The following ADGRF1 variants were observed in gnomAD, a reference collection of about 807,000 sequenced individuals.
ADGRF1 encodes G protein-coupled receptor 110.
A neutral mutation model predicts 87.2 loss-of-function variants in ADGRF1; 85 were observed. That is an observed-to-expected ratio of 0.97 (90% confidence interval 0.82 to 1.17). The LOEUF (loss-of-function observed/expected upper bound fraction) is 1.17, where lower values mean the gene tolerates loss of function less well. ADGRF1 is among the 50% of genes most tolerant of loss of function. The pLI is 0.00. For synonymous variants in ADGRF1, 430 were observed against 408.8 expected (o/e 1.05, Z -0.63); for missense variants, 1,169 against 1,077.2 (o/e 1.09, Z -1.19).
At chr6:47,004,633 G>A (rs1361918728) in intron 13 of ADGRF1, among the ~76,000 whole-genome samples, 1 of 152,160 alleles carries the variant, frequency 6.6e-6, no homozygotes, top group Non-Finnish European at 1.5e-5. Context: ...TATCTTTTAT[G>A]TAGTCACATG....
At chr6:47,025,717 GA>G in intron 4 of ADGRF1, 136 bp downstream of exon 4, 1 of 814,152 alleles carries the variant, frequency 1.2e-6, no homozygotes, top group South Asian at 2.3e-5. Flanking sequence ...CATGTAGCAT[GA>G]AGAAGATATA....
Position 47,040,389 on chromosome 6 carries a change from G to A in ADGRF1, c.-44+1802C>T, listed in dbSNP as rs1310041074. Among the ~76,000 whole-genome samples the A allele has an allele frequency of 5.9e-5, 9 of 152,082 alleles. No individual in the cohort carries two copies. In the South Asian group the frequency reaches 6.2e-4, roughly 11 times the overall value. ...CGGGAGGCTGAGGCAGGAGAATGGC[G>A]TGAACCCGGGAGGTGGAGCTTGCAG... On this transcript the variant is annotated intron_variant, in intron 1 of 14. Coordinates refer to ENST00000371253, the MANE Select transcript of ADGRF1 (RefSeq NM_153840.4).
chr6:47,020,101 T>G (rs771189487), intron 7 of ADGRF1: 1 of 1,022,438 alleles, frequency 9.8e-7, no homozygotes, highest in Non-Finnish European at 1.2e-6. Flanking sequence ...TCCCATCCAC[T>G]GTCACCATGA....
intron 7 of ADGRF1, 68 bp from the exon 8 acceptor site, chr6:47,016,836 C>A: frequency 6.7e-7 from 1 of 1,486,842 alleles, no homozygotes; most frequent in Non-Finnish European, 9.0e-7. Flanking sequence ...CCGGCCTATG[C>A]TGTGTGTACA....
chr6:47,031,443 G>A (rs528164189), intron 1 of ADGRF1, among the ~76,000 whole-genome samples: 5 of 151,516 alleles, frequency 3.3e-5, no homozygotes, highest in Non-Finnish European at 5.9e-5. Context: ...AAGGCAGCTT[G>A]AGAAAGCCTG....
intron 10 of ADGRF1, 118 bp from the exon 11 acceptor site, chr6:47,010,436 G>A (rs968254720): frequency 2.2e-5 from 19 of 848,484 alleles, no homozygotes; most frequent in African/African-American, 1.5e-4. Flanking sequence ...GCTCAGTCAC[G>A]AACCACATTA....
intron 1 of ADGRF1, among the ~76,000 whole-genome samples, chr6:47,032,607 T>A (rs775421184): frequency 1.8e-4 from 27 of 152,228 alleles, no homozygotes; most frequent in Non-Finnish European, 3.5e-4. Context: ...ATCAACTGGA[T>A]GCCCTTTGGA....
chr6:46,998,657 T>C lies in ADGRF1; in HGVS notation c.*1565A>G, dbSNP rs1001030411. 1 of 152,256 alleles carries C rather than the reference T, an allele frequency of 6.6e-6. No homozygotes were observed. Among genetic ancestry groups the C allele is most frequent in the Admixed American group, 6.5e-5 (1 of 15,278 alleles). 9.4% of individuals were successfully genotyped at this position (152,256 alleles called of 1,614,324 possible). A position where few individuals can be genotyped will look rare whatever the true frequency, so the allele number is the denominator to read the frequency against. ...AGAAATCTGAGCTATCTGAGCTATC[T>C]GAGAAATCTTCTCTCACTAAATTTG... On this transcript the variant is annotated 3_prime_UTR_variant, in exon 15 of 15. Transcript: ENST00000371253.
In ADGRF1 at chr6:47,027,747, G is replaced by C; in HGVS notation, c.84C>G (p.Ile28Met). Residue 28 changes from isoleucine (I) to methionine (M), a missense_variant, in exon 3 of 15, where the codon ATC (isoleucine) becomes ATG (methionine). Physicochemically the swap from Ile to Met is conservative, Grantham distance 10. Coordinates refer to ENST00000371253, the MANE Select transcript of ADGRF1 (RefSeq NM_153840.4). Reference protein sequence around the residue: ...HGGFLGKNDGIKTKKELIVNK... With the variant: ...HGGFLGKNDGMKTKKELIVNK... ...TCACAATGAGTTCTTTTTTTGTTTT[G>C]ATGCCATCATTTTTCTGTTAAAAAG... The C allele has an allele frequency of 1.3e-6, 2 of 1,585,448 alleles. No individual in the cohort carries two copies. The highest frequency in any genetic ancestry group is 1.7e-6 in the Non-Finnish European group (2 of 1,155,992).
In ADGRF1 at chr6:47,001,358, G is replaced by C. The variant is rs946458715; in HGVS notation, c.2659+143C>G. 8 of 649,810 alleles carry C rather than the reference G, an allele frequency of 1.2e-5. No homozygotes were observed. In the African/African-American group the frequency reaches 1.5e-4, roughly 12 times the overall value. The allele number at this position is 649,810 out of a possible 1,614,324, so 40.3% of individuals were successfully genotyped here. On this transcript the variant is annotated intron_variant, in intron 14 of 14. Transcript: ENST00000371253. The stretch of plus-strand genomic sequence containing the variant: ...TTCTGTCAGCCCTGAGCACGGTCTG[G>C]ATGAACTCTGAAAACATGGCTGGCT...
intron 9 of ADGRF1, 98 bp from the exon 10 acceptor site, chr6:47,012,293 T>C: frequency 6.5e-7 from 1 of 1,534,432 alleles, no homozygotes; most frequent in Non-Finnish European, 8.8e-7. Context: ...AACATTTGTA[T>C]GGTGTGTTCT....
At chr6:47,021,164 C>T (rs1780035324) in intron 6 of ADGRF1, among the ~76,000 whole-genome samples, 1 of 152,140 alleles carries the variant, frequency 6.6e-6, no homozygotes, top group Admixed American at 6.5e-5. Context: ...AGACCGAATC[C>T]ATCTATTAAG....
intron 3 of ADGRF1, among the ~76,000 whole-genome samples, chr6:47,027,028 A>T (rs1226486): frequency 0.078 from 11,876 of 152,236 alleles, 1,046 homozygotes; most frequent in East Asian, 0.2. Flanking sequence ...TGTAAAATAA[A>T]GATGACCACT....
chr6:47,009,290 G>C lies in ADGRF1; in HGVS notation c.2145C>G (p.Val715=), dbSNP rs770411297. The part of the protein sequence containing the change: ...LGYGCPLIIS[V]ITIAVTQPSN... ...TAGGTTGCGTGACAGCAATGGTAAT[G>C]ACAGATATAATGAGAGGGCACCCAT... Residue 715 remains valine, a synonymous_variant, in exon 11 of 15, where the codon GTC becomes GTG. Coordinates refer to ENST00000371253, the MANE Select transcript of ADGRF1 (RefSeq NM_153840.4). 5.6e-6 allele frequency: 9 copies of C among 1,614,010 alleles called. No individual in the cohort carries two copies. Among genetic ancestry groups the C allele is most frequent in the Non-Finnish European group, 7.6e-6 (9 of 1,180,012 alleles).
At chr6:47,038,847 T>G (rs1304629593) in intron 1 of ADGRF1, among the ~76,000 whole-genome samples, 1 of 152,224 alleles carries the variant, frequency 6.6e-6, no homozygotes, top group Non-Finnish European at 1.5e-5. Context: ...CTAAGAAATA[T>G]ATCATTAAGT....
chr6:47,012,288 T>G (rs1779731883), intron 9 of ADGRF1, 93 bp from the exon 10 acceptor site: 1 of 1,541,392 alleles, frequency 6.5e-7, no homozygotes, highest in African/African-American at 1.4e-5. Flanking sequence ...GAACTAACAT[T>G]TGTATGGTGT....
rs768957709 is a variant in ADGRF1 at position 47,000,260 on chromosome 6, C to T, written c.2695G>A (p.Asp899Asn). The change falls in exon 15 of 15, where the codon GAC becomes AAC. Residue 899 changes from aspartate (D) to asparagine (N), a missense_variant. Coordinates refer to ENST00000371253, the MANE Select transcript of ADGRF1 (RefSeq NM_153840.4). ...ACAAACTGAGTTAGCATGATGTTGT[C>T]GGAGGAATCTCCAGTATGAGAAAAT... Reference protein sequence around the residue: ...YAFSHTGDSSDNIMLTQFVSN... With the variant: ...YAFSHTGDSSNNIMLTQFVSN... 1.9e-5 allele frequency: 30 copies of T among 1,604,752 alleles called. No individual in the cohort carries two copies. The highest frequency in any genetic ancestry group is 2.4e-5 in the Non-Finnish European group (28 of 1,174,396).
At position 47,009,536 on chromosome 6, in the gene ADGRF1, G is replaced by C. The variant is rs1227181735; in HGVS notation, c.1899C>G (p.Ser633=). Residue 633 remains serine, a synonymous_variant, in exon 11 of 15, where the codon TCC becomes TCG. Coordinates refer to ENST00000371253, the MANE Select transcript of ADGRF1 (RefSeq NM_153840.4). ...TAAACCAGACATCAGCAATCAAGAG[G>C]GACAGGGCTATGTTCACCATGCAAA... The part of the protein sequence containing the change: ...RRICMVNIAL[S]LLIADVWFIV... 1.5e-5 allele frequency: 25 copies of C among 1,613,954 alleles called. No homozygotes were observed. Among genetic ancestry groups the C allele is most frequent in the Non-Finnish European group, 2.1e-5 (25 of 1,180,000 alleles).
At chr6:47,008,071 C>T (rs997970516) in intron 11 of ADGRF1, among the ~76,000 whole-genome samples, 1 of 152,188 alleles carries the variant, frequency 6.6e-6, no homozygotes. Flanking sequence ...ATTATTATCT[C>T]TATTTAAAAG....
Sources: gnomAD v4.1 joint callset for allele counts (sites outside exome capture counted in the v4.1 genomes callset) on GRCh38, gnomAD v4.1.1 for gene constraint, MANE v1.5 for transcripts, NCBI Gene and HGNC (gene_info 2026-07-23, HGNC 2026-07-21) for gene names.